Variants in LOXL2 observed in about 807,000 individuals in gnomAD.
LOXL2 encodes the protein lysyl oxidase homolog 2.
Under a neutral mutation model 93.0 loss-of-function variants are expected in LOXL2, and 70 were observed. That is an observed-to-expected ratio of 0.75 (90% confidence interval 0.62 to 0.92). LOXL2 has a LOEUF of 0.92. LOXL2 is among the 40% of genes least tolerant of loss of function. The pLI is 0.00. For synonymous variants in LOXL2, 438 were observed against 413.2 expected (o/e 1.06, Z -0.73); for missense variants, 973 against 1,054.9 (o/e 0.92, Z 1.08).
At chr8:23,307,701 A>G (rs1803251374) in intron 10 of LOXL2, among the ~76,000 whole-genome samples, 1 of 152,140 alleles carries the variant, frequency 6.6e-6, no homozygotes, top group African/African-American at 2.4e-5. Context: ...GCTTCCACCC[A>G]CACGTTCCCC....
At chr8:23,354,583 C>T (rs971255483) in intron 3 of LOXL2, among the ~76,000 whole-genome samples, 1 of 128,008 alleles carries the variant, frequency 7.8e-6, no homozygotes, top group Non-Finnish European at 1.6e-5. Context: ...GTTGGCATCC[C>T]TTCTCTGTGT....
At chr8:23,372,872 A>G (rs1372751976) in intron 1 of LOXL2, among the ~76,000 whole-genome samples, 1 of 152,252 alleles carries the variant, frequency 6.6e-6, no homozygotes, top group Non-Finnish European at 1.5e-5. Context: ...TGTGAATGAC[A>G]TAATTAACAA....
At chr8:23,300,661 G>A (rs1415904254) in intron 12 of LOXL2, among the ~76,000 whole-genome samples, 1 of 152,234 alleles carries the variant, frequency 6.6e-6, no homozygotes, top group East Asian at 1.9e-4. Flanking sequence ...TTTAGGGGTT[G>A]AGAAAACAAA....
At chr8:23,367,392 C>T (rs915592880) in intron 2 of LOXL2, among the ~76,000 whole-genome samples, 5 of 152,134 alleles carry the variant, frequency 3.3e-5, no homozygotes, top group African/African-American at 1.2e-4. Context: ...AAATTTGAAC[C>T]TCACAAGGGA....
chr8:23,368,495 A>C (rs1451244841), intron 1 of LOXL2, 61 bp from the exon 2 acceptor site: 1 of 680,110 alleles, frequency 1.5e-6, no homozygotes, highest in African/African-American at 1.8e-5. Context: ...CTACATAGAG[A>C]ACCAGCGATT....
chr8:23,306,616 G>A (rs992101502), intron 10 of LOXL2, among the ~76,000 whole-genome samples: 7 of 152,262 alleles, frequency 4.6e-5, no homozygotes, highest in African/African-American at 1.7e-4. Context: ...ACATGTGGTA[G>A]GCAGGGTGGA....
chr8:23,315,355 T>C (rs1242792947), intron 9 of LOXL2, among the ~76,000 whole-genome samples: 1 of 152,192 alleles, frequency 6.6e-6, no homozygotes, highest in Non-Finnish European at 1.5e-5. Flanking sequence ...TTTATTTCCC[T>C]GAATACTCTA....
chr8:23,306,873 G>C (rs1055149756), intron 10 of LOXL2, among the ~76,000 whole-genome samples: 2 of 152,250 alleles, frequency 1.3e-5, no homozygotes, highest in Admixed American at 6.5e-5. Context: ...GCAGGAGAGA[G>C]AGGCATGGAG....
chr8:23,374,997 G>T (rs1366003344), intron 1 of LOXL2, among the ~76,000 whole-genome samples: 2 of 152,330 alleles, frequency 1.3e-5, no homozygotes, highest in South Asian at 4.1e-4. Context: ...TGCTTTTGGA[G>T]TTTTAGACAT....
chr8:23,328,273 G>C, intron 6 of LOXL2, 109 bp downstream of exon 6: 1 of 1,190,922 alleles, frequency 8.4e-7, no homozygotes, highest in South Asian at 1.3e-5. Flanking sequence ...CCACTAAAGG[G>C]AGGAGGGAAA....
At chr8:23,360,400 T>C in intron 2 of LOXL2, 135 bp from the exon 3 acceptor site, 1 of 607,334 alleles carries the variant, frequency 1.6e-6, no homozygotes, top group Non-Finnish European at 2.9e-6. Flanking sequence ...CCATTTTTAT[T>C]ATATTAAGAT....
chr8:23,374,284 C>CT (rs768411175), intron 1 of LOXL2, among the ~76,000 whole-genome samples: 24 of 152,032 alleles, frequency 1.6e-4, no homozygotes, highest in East Asian at 1.4e-3. Context: ...TGAACTCATC[C>CT]TTTTTTATGG....
At position 23,309,828 on chromosome 8, in the gene LOXL2, C is replaced by A. The variant is rs867941151; in HGVS notation, c.1720G>T (p.Ala574Ser). 1 of 1,601,100 alleles carries A rather than the reference C, an allele frequency of 6.2e-7. No individual in the cohort carries two copies. The highest frequency in any genetic ancestry group is 8.5e-7 in the Non-Finnish European group (1 of 1,173,776). The change falls in exon 10 of 14, where the codon GCC becomes TCC. Residue 574 changes from alanine (A) to serine (S), a missense_variant. Physicochemically the swap from Ala to Ser is moderately conservative, Grantham distance 99. Coordinates refer to ENST00000389131, the MANE Select transcript of LOXL2 (RefSeq NM_002318.3). ...EDRPMFMLQC[A>S]MEENCLSASA... ...GCCGAGAGGCAGTTCTCCTCCATGG[C>A]ACACTGCAGCATGAACATGGGCCGG...
In LOXL2 at chr8:23,297,959, A is replaced by C; in HGVS notation, c.*84T>G. 8.4e-7 allele frequency: 1 copy of C among 1,189,942 alleles called. No individual in the cohort carries two copies. The highest frequency in any genetic ancestry group is 1.3e-5 in the South Asian group (1 of 77,862). 73.7% of individuals were successfully genotyped at this position (1,189,942 alleles called of 1,614,324 possible). On this transcript the variant is annotated 3_prime_UTR_variant, in exon 14 of 14. Coordinates refer to ENST00000389131, the MANE Select transcript of LOXL2 (RefSeq NM_002318.3). ...GCCGGGCTGGGTGAGGGCACGTGGC[A>C]TTCGTTCAGACTCAGTTGTTGGGGG...
chr8:23,374,124 G>A (rs958824722), intron 1 of LOXL2, among the ~76,000 whole-genome samples: 6 of 107,800 alleles, frequency 5.6e-5, no homozygotes, highest in East Asian at 2.7e-4. Flanking sequence ...AACAGGCCCC[G>A]GTGTGTGATG....
intron 5 of LOXL2, 189 bp from the exon 6 acceptor site, chr8:23,328,754 G>A (rs1803629865): frequency 2.0e-6 from 1 of 511,678 alleles, no homozygotes; most frequent in East Asian, 3.1e-5. Flanking sequence ...TGTCGTGGGT[G>A]TGTTGGGGTG....
chr8:23,304,642 TG>T (rs551198809), intron 10 of LOXL2, among the ~76,000 whole-genome samples: 32 of 152,310 alleles, frequency 2.1e-4, no homozygotes, highest in African/African-American at 7.5e-4. Context: ...TTGAATAAGA[TG>T]AACGGCGTCA....
At chr8:23,387,358 G>A (rs541822617) in intron 1 of LOXL2, among the ~76,000 whole-genome samples, 8 of 152,282 alleles carry the variant, frequency 5.3e-5, no homozygotes, top group Middle Eastern at 3.4e-3. Flanking sequence ...AGAGGGACTC[G>A]GGGATCGAGG....
rs548290140 is a variant in LOXL2 at position 23,403,480 on chromosome 8, C to A, written c.-84+474G>T. ...CCCGGGGTCCCCGCCCCCACTCCGT[C>A]CCAGCCCAGCACGCTCTACATCCCC... On this transcript the variant is annotated intron_variant, in intron 1 of 13. Coordinates refer to ENST00000389131, the MANE Select transcript of LOXL2 (RefSeq NM_002318.3). 4.5e-4 allele frequency among the ~76,000 whole-genome samples: 69 copies of A among 152,296 alleles called. 1 individual carries two copies. The highest frequency in any genetic ancestry group is 6.8e-3 in the Middle Eastern group (2 of 294).
Sources: gnomAD v4.1 joint callset for allele counts (sites outside exome capture counted in the v4.1 genomes callset) on GRCh38, gnomAD v4.1.1 for gene constraint, MANE v1.5 for transcripts, NCBI Gene and HGNC (gene_info 2026-07-23, HGNC 2026-07-21) for gene names.